BCAS3: variants seen among roughly 807,000 people sequenced by gnomAD.
The protein encoded by BCAS3 is BCAS4/BCAS3 fusion.
Under a neutral mutation model 116.1 loss-of-function variants are expected in BCAS3, and 53 were observed. The observed-to-expected ratio is 0.46, with a 90% CI of 0.37 to 0.57. BCAS3 has a LOEUF of 0.57. Ranked by LOEUF, BCAS3 falls within the 20% of genes least tolerant of loss-of-function variation. The pLI is 0.00. For synonymous variants in BCAS3, 391 were observed against 408.2 expected, an observed-to-expected ratio of 0.96 and a Z score of 0.51; for missense variants, 917 against 1,165.4, an observed-to-expected ratio of 0.79 and a Z score of 3.10.
intron 16 of BCAS3, among the ~76,000 whole-genome samples, chr17:61,033,641 A>T (rs1471627083): frequency 1.3e-5 from 2 of 152,196 alleles, no homozygotes; most frequent in Non-Finnish European, 2.9e-5. Context: ...GCTAACTAGC[A>T]GAGAGGAACA....
At chr17:60,767,627 G>T (rs193025196) in intron 6 of BCAS3, among the ~76,000 whole-genome samples, 1 of 152,076 alleles carries the variant, frequency 6.6e-6, no homozygotes, top group Non-Finnish European at 1.5e-5. Context: ...GATTACAGAT[G>T]TGAGCCACTG....
chr17:60,894,226 T>C (rs1211615998), intron 10 of BCAS3, among the ~76,000 whole-genome samples: 1 of 152,132 alleles, frequency 6.6e-6, no homozygotes, highest in Non-Finnish European at 1.5e-5. Context: ...GGGATGTTTT[T>C]CCATTTGTTG....
At chr17:60,847,683 A>G (rs1000898358) in intron 7 of BCAS3, among the ~76,000 whole-genome samples, 3 of 151,624 alleles carry the variant, frequency 2.0e-5, no homozygotes, top group Admixed American at 2.0e-4. Context: ...TTTTTTTCTC[A>G]TTGGAATGTT....
intron 22 of BCAS3, among the ~76,000 whole-genome samples, chr17:61,117,678 T>G (rs964366340): frequency 1.3e-5 from 2 of 152,170 alleles, no homozygotes; most frequent in Non-Finnish European, 2.9e-5. Flanking sequence ...ACTTTCTATT[T>G]CTTTGATGAG....
chr17:61,156,940 A>G lies in BCAS3; in HGVS notation c.2425+72376A>G, dbSNP rs889461147. 3.3e-5 allele frequency among the ~76,000 whole-genome samples: 5 copies of G among 152,224 alleles called. No homozygotes were observed. The highest frequency in any genetic ancestry group is 1.2e-4 in the African/African-American group (5 of 41,460). On this transcript the variant is annotated intron_variant, in intron 22 of 23. Transcript: ENST00000407086. This position sits in a 1 kb window ranked among gnomAD's most constrained non-coding sequence, Gnocchi z 4.7. ...ACTTAAAAAAAACAAATTCTACAAC[A>G]TTTAAACAGTTGAGGCATCACTCTC...
chr17:61,251,558 G>A lies in BCAS3; in HGVS notation c.2426-116769G>A, dbSNP rs1345507155. Among the ~76,000 whole-genome samples, 2 of 119,924 alleles carry A rather than the reference G, an allele frequency of 1.7e-5. No homozygotes were observed. The highest frequency in any genetic ancestry group is 3.3e-5 in the African/African-American group (1 of 30,638). 78.7% of individuals were successfully genotyped at this position (119,924 alleles called of 152,430 possible). On this transcript the variant is annotated intron_variant, in intron 22 of 23. Coordinates refer to ENST00000407086, the MANE Select transcript of BCAS3 (RefSeq NM_017679.5). The surrounding 1 kb of genome is among the most constrained non-coding windows in gnomAD (Gnocchi z 4.7). Reference sequence around the variant, plus strand: ...CCACTCCAGCCTGGGCAACAAGAGCGAAACTCCACCTCAAAAAAAAAAAAA... The same window carrying A: ...CCACTCCAGCCTGGGCAACAAGAGCAAAACTCCACCTCAAAAAAAAAAAAA...
chr17:61,345,807 G>A (rs2057471753), intron 22 of BCAS3, among the ~76,000 whole-genome samples: 1 of 152,158 alleles, frequency 6.6e-6, no homozygotes, highest in African/African-American at 2.4e-5. Flanking sequence ...TGGGATGATA[G>A]GGAGGACTCC....
chr17:60,829,147 G>A (rs1329007091), intron 7 of BCAS3, among the ~76,000 whole-genome samples: 1 of 152,026 alleles, frequency 6.6e-6, no homozygotes. Context: ...CTAGCAAGGA[G>A]AGTGAAACAG....
rs2066401651 is a variant in BCAS3 at position 61,028,292 on chromosome 17, AG to A, written c.1638-6373del. ...ATTTTCCTCCTTGAAAATTATAATT[AG>A]ACACAGTTTGCAAAACTATTCTAAA... On this transcript the variant is annotated intron_variant, in intron 16 of 23. Coordinates refer to ENST00000407086, the MANE Select transcript of BCAS3 (RefSeq NM_017679.5). The surrounding 1 kb of genome is among the most constrained non-coding windows in gnomAD (Gnocchi z 4.3). Among the ~76,000 whole-genome samples, 1 of 151,922 alleles carries A rather than the reference AG, an allele frequency of 6.6e-6. No individual in the cohort carries two copies. Among genetic ancestry groups the A allele is most frequent in the Admixed American group, 6.6e-5 (1 of 15,214 alleles).
At chr17:60,899,406 T>C (rs879856869) in intron 10 of BCAS3, among the ~76,000 whole-genome samples, 4 of 152,140 alleles carry the variant, frequency 2.6e-5, no homozygotes, top group Admixed American at 2.0e-4. Flanking sequence ...CTTCCCTGCA[T>C]TGGTAGCTGC....
chr17:60,890,640 A>G (rs1248914982), intron 10 of BCAS3, among the ~76,000 whole-genome samples: 1 of 152,218 alleles, frequency 6.6e-6, no homozygotes, highest in African/African-American at 2.4e-5. Flanking sequence ...TATATGCACT[A>G]GGAATTTTAC....
rs1318400056 is a variant in BCAS3 at position 60,763,626 on chromosome 17, A to G, written c.403+16347A>G. 2.6e-5 allele frequency among the ~76,000 whole-genome samples: 4 copies of G among 151,970 alleles called. No individual in the cohort carries two copies. In the East Asian group the frequency reaches 7.7e-4, roughly 29 times the overall value. Reference sequence around the variant, plus strand: ...TATTTTATTGAGGATTTTCGCATCGATGTTCATCAGGGATATTGGTCTAAA... The same window carrying G: ...TATTTTATTGAGGATTTTCGCATCGGTGTTCATCAGGGATATTGGTCTAAA... On this transcript the variant is annotated intron_variant, in intron 6 of 23. Transcript: ENST00000407086.
At chr17:61,078,593 A>C in intron 21 of BCAS3, 64 bp downstream of exon 21, 1 of 1,375,154 alleles carries the variant, frequency 7.3e-7, no homozygotes, top group South Asian at 1.3e-5. Flanking sequence ...TGAAATGAGC[A>C]TCATATGTAA....
rs771206487 is a variant in BCAS3, at chr17:60,710,536, A to G, written c.321+1211A>G. On this transcript the variant is annotated intron_variant, in intron 5 of 23. Coordinates refer to ENST00000407086, the MANE Select transcript of BCAS3 (RefSeq NM_017679.5). ...AAGCTCTGCCTCCCGGGTTAACGCC[A>G]TTCTCCTGCCTCAGCCTCTCAAGTA... Among the ~76,000 whole-genome samples, 195 of 149,312 alleles carry G rather than the reference A, an allele frequency of 1.3e-3. 2 individuals carry two copies. Among genetic ancestry groups the G allele is most frequent in the African/African-American group, 3.2e-3 (131 of 40,410 alleles).
chr17:61,262,306 G>T (rs2049271426), intron 22 of BCAS3, among the ~76,000 whole-genome samples: 2 of 150,488 alleles, frequency 1.3e-5, no homozygotes, highest in Admixed American at 1.3e-4. Context: ...ACCTTTACAG[G>T]AAATGTATAA....
chr17:60,872,883 T>C (rs2055259928), intron 8 of BCAS3, among the ~76,000 whole-genome samples: 2 of 152,092 alleles, frequency 1.3e-5, no homozygotes, highest in African/African-American at 4.8e-5. Context: ...CCATTGACTC[T>C]TAATAATGGT....
At chr17:61,237,613 A>G (rs371799225) in intron 22 of BCAS3, among the ~76,000 whole-genome samples, 21 of 152,346 alleles carry the variant, frequency 1.4e-4, no homozygotes, top group African/African-American at 5.0e-4. Flanking sequence ...GAAGTCAGCA[A>G]GACCCTGAAT....
chr17:60,850,241 G>A (rs1349623153), intron 7 of BCAS3, among the ~76,000 whole-genome samples: 1 of 149,950 alleles, frequency 6.7e-6, no homozygotes, highest in East Asian at 2.0e-4. Flanking sequence ...ATGATGCTCT[G>A]TACCCACTAT....
chr17:60,849,865 A>T (rs1217794960), intron 7 of BCAS3, among the ~76,000 whole-genome samples: 1 of 152,048 alleles, frequency 6.6e-6, no homozygotes, highest in Non-Finnish European at 1.5e-5. Flanking sequence ...GGCTGAAGTG[A>T]TCCTTCTGCC....
Sources: gnomAD v4.1 joint callset for allele counts (sites outside exome capture counted in the v4.1 genomes callset) on GRCh38, gnomAD v4.1.1 for gene constraint, Gnocchi (gnomAD v3.1) non-coding constraint, MANE v1.5 for transcripts, NCBI Gene and HGNC (gene_info 2026-07-23, HGNC 2026-07-21) for gene names.